Variants in AIG1 observed in about 807,000 individuals in gnomAD.
AIG1 encodes androgen induced 1, also known as androgen-induced gene 1 protein.
A neutral mutation model predicts 31.4 loss-of-function variants in AIG1; 23 were observed. The observed-to-expected ratio is 0.73, with a 90% CI of 0.53 to 1.04. The LOEUF (loss-of-function observed/expected upper bound fraction) is 1.04. AIG1 is among the 50% of genes least tolerant of loss of function. The probability of loss-of-function intolerance (pLI) is 0.00; values close to 1 mark genes in which losing one functional copy is unlikely to be tolerated. For missense variants in AIG1, 274 were observed against 295.0 expected, an observed-to-expected ratio of 0.93 and a Z score of 0.52; for synonymous variants, 100 against 110.5, an observed-to-expected ratio of 0.90 and a Z score of 0.60.
intron 1 of AIG1, among the ~76,000 whole-genome samples, chr6:143,096,343 A>G (rs1236161718): frequency 6.6e-6 from 1 of 152,244 alleles, no homozygotes; most frequent in African/African-American, 2.4e-5. Flanking sequence ...TGATCTGAAT[A>G]TGGGCTTTTC....
In AIG1 at chr6:143,284,100, T is replaced by A; in HGVS notation, c.400-10T>A. ...GCAATCTGTGTCACCTAGTCTCTGT[T>A]ATTTTCCAGCACACGACGGTTCTGC... On this transcript the variant is annotated splice_polypyrimidine_tract_variant and intron_variant, in intron 3 of 5. Transcript: ENST00000357847. The surrounding 1 kb of genome is among the most constrained non-coding windows in gnomAD (Gnocchi z 4.4). 6.2e-7 allele frequency: 1 copy of A among 1,602,504 alleles called. No homozygotes were observed. The highest frequency in any genetic ancestry group is 8.5e-7 in the Non-Finnish European group (1 of 1,169,900).
chr6:143,060,671 G>A, upstream of AIG1: 1 of 453,380 alleles, frequency 2.2e-6, no homozygotes. Flanking sequence ...AAGAGATGAC[G>A]ACACGCCGCC....
chr6:143,089,229 A>G (rs1779082832), intron 1 of AIG1, among the ~76,000 whole-genome samples: 1 of 151,266 alleles, frequency 6.6e-6, no homozygotes, highest in Admixed American at 6.6e-5. Context: ...AAAAAAAAAG[A>G]CTGCTTAGCA....
chr6:143,292,517 G>T lies in AIG1; in HGVS notation c.515+8292G>T, dbSNP rs1445937658. Among the ~76,000 whole-genome samples, 2 of 152,184 alleles carry T rather than the reference G, an allele frequency of 1.3e-5. No individual in the cohort carries two copies. Among genetic ancestry groups the T allele is most frequent in the African/African-American group, 4.8e-5 (2 of 41,428 alleles). On this transcript the variant is annotated intron_variant, in intron 4 of 5. Coordinates refer to ENST00000357847, the MANE Select transcript of AIG1 (RefSeq NM_016108.4). The surrounding 1 kb of genome is among the most constrained non-coding windows in gnomAD (Gnocchi z 4.9). The stretch of plus-strand genomic sequence containing the variant: ...CCCTCTAGAAGCCGAAAAAGGCAAG[G>T]AAAGGGATTCTCCCCTAGGGCTTCC...
rs909096756 is a variant in AIG1 at position 143,280,144 on chromosome 6, G to A, written c.400-3966G>A. On this transcript the variant is annotated intron_variant, in intron 3 of 5. Coordinates refer to ENST00000357847, the MANE Select transcript of AIG1 (RefSeq NM_016108.4). This position sits in a 1 kb window ranked among gnomAD's most constrained non-coding sequence, Gnocchi z 4.1. ...AATGGTATTTGTGTTTGGGGAAACA[G>A]CAACAGATCATTCTTCAGCTCGCTT... Among the ~76,000 whole-genome samples the A allele has an allele frequency of 6.6e-6, 1 of 152,222 alleles. No individual in the cohort carries two copies. Among genetic ancestry groups the A allele is most frequent in the Non-Finnish European group, 1.5e-5 (1 of 68,048 alleles).
intron 1 of AIG1, among the ~76,000 whole-genome samples, chr6:143,125,586 T>TG (rs3842511): frequency 4.6e-5 from 7 of 152,088 alleles, no homozygotes; most frequent in South Asian, 2.1e-4. Flanking sequence ...CAGAACACCC[T>TG]GGGGGGGAAT....
intron 2 of AIG1, among the ~76,000 whole-genome samples, chr6:143,155,175 G>A (rs958437331): frequency 2.6e-5 from 4 of 152,026 alleles, no homozygotes; most frequent in Non-Finnish European, 5.9e-5. Context: ...TATAAGGCAC[G>A]AAAAGAGATG....
At chr6:143,343,035 A>T, downstream of AIG1, 4 of 809,344 alleles carry the variant, frequency 4.9e-6, no homozygotes, top group Non-Finnish European at 9.0e-6. Context: ...ATGTGTGTAA[A>T]GTTGCCACAC....
intron 3 of AIG1, among the ~76,000 whole-genome samples, chr6:143,205,839 A>G (rs1045426097): frequency 3.9e-5 from 6 of 152,268 alleles, no homozygotes; most frequent in African/African-American, 1.4e-4. Context: ...TTAATAAAAT[A>G]CAGATTGCAG....
chr6:143,171,522 A>G (rs1349168704), intron 3 of AIG1, among the ~76,000 whole-genome samples: 16 of 129,856 alleles, frequency 1.2e-4, no homozygotes, highest in African/African-American at 4.3e-4. Flanking sequence ...TATAATATAT[A>G]TATTTAATAT....
At chr6:143,223,901 A>G (rs1792731347) in intron 3 of AIG1, among the ~76,000 whole-genome samples, 1 of 152,214 alleles carries the variant, frequency 6.6e-6, no homozygotes. Context: ...TAATTAAGAA[A>G]TAGACTACCA....
chr6:143,265,652 G>A (rs1449031843), intron 3 of AIG1, among the ~76,000 whole-genome samples: 1 of 152,170 alleles, frequency 6.6e-6, no homozygotes, highest in Admixed American at 6.5e-5. Context: ...TAACATGGAT[G>A]CAATTTAAGT....
At chr6:143,090,187 T>A (rs1779168749) in intron 1 of AIG1, among the ~76,000 whole-genome samples, 2 of 152,192 alleles carry the variant, frequency 1.3e-5, no homozygotes, top group East Asian at 3.8e-4. Context: ...TAGTTCTGCC[T>A]CTAGCTGTTT....
In AIG1 at chr6:143,230,400, ATATAT is replaced by A. The variant is rs535514542; in HGVS notation, c.400-53705_400-53701del. On this transcript the variant is annotated intron_variant, in intron 3 of 5. Coordinates refer to ENST00000357847, the MANE Select transcript of AIG1 (RefSeq NM_016108.4). Reference sequence around the variant, plus strand: ...GCTTACATATTATCATATTAGTATAATATATTATAATTTAAAAATACTGATTACCT... The same window carrying A: ...GCTTACATATTATCATATTAGTATAATATAATTTAAAAATACTGATTACCT... Among the ~76,000 whole-genome samples, 11 of 150,108 alleles carry A rather than the reference ATATAT, an allele frequency of 7.3e-5. No homozygotes were observed. The South Asian group carries it at 1.0e-3, about 14-fold the overall frequency.
At chr6:143,116,379 A>C (rs148258022) in intron 1 of AIG1, among the ~76,000 whole-genome samples, 1 of 152,120 alleles carries the variant, frequency 6.6e-6, no homozygotes, top group African/African-American at 2.4e-5. Context: ...GAAAATGAAA[A>C]GAGTTAAAAT....
intron 1 of AIG1, among the ~76,000 whole-genome samples, chr6:143,124,543 G>T (rs755074933): frequency 6.6e-6 from 1 of 152,242 alleles, no homozygotes; most frequent in Non-Finnish European, 1.5e-5. Flanking sequence ...TTGCCCAGCT[G>T]CTGTGGCTCT....
At chr6:143,172,348 G>C (rs914937249) in intron 3 of AIG1, among the ~76,000 whole-genome samples, 1 of 152,084 alleles carries the variant, frequency 6.6e-6, no homozygotes, top group Non-Finnish European at 1.5e-5. Context: ...TTTTAATTCT[G>C]TTCACATGGT....
In AIG1 at chr6:143,339,726, T is replaced by G. The variant is rs201144984; in HGVS notation, c.*50T>G. 4 of 1,595,484 alleles carry G rather than the reference T, an allele frequency of 2.5e-6. No individual in the cohort carries two copies. The highest frequency in any genetic ancestry group is 3.4e-6 in the Non-Finnish European group (4 of 1,167,350). ...AGATTGAGCCGCCATTGAAGACTCC[T>G]TCCCCTCGGGCATTGGCAGTGGGGG... On this transcript the variant is annotated 3_prime_UTR_variant, in exon 6 of 6. Coordinates refer to ENST00000357847, the MANE Select transcript of AIG1 (RefSeq NM_016108.4).
chr6:143,136,800 C>G (rs181889979), intron 1 of AIG1, 35 bp from the exon 2 acceptor site: 3 of 1,327,532 alleles, frequency 2.3e-6, no homozygotes, highest in Non-Finnish European at 2.9e-6. Flanking sequence ...GTCTCCAGAT[C>G]TTAATGACTC....
Sources: gnomAD v4.1 joint callset for allele counts (sites outside exome capture counted in the v4.1 genomes callset) on GRCh38, gnomAD v4.1.1 for gene constraint, Gnocchi (gnomAD v3.1) non-coding constraint, MANE v1.5 for transcripts, NCBI Gene and HGNC (gene_info 2026-07-23, HGNC 2026-07-21) for gene names.